The following ADAMTSL1 variants were observed in gnomAD, a reference collection of about 807,000 sequenced individuals.
The protein encoded by ADAMTSL1 is ADAMTS like 1.
In ADAMTSL1, 126 loss-of-function variants were observed where a neutral mutation model predicts 201.8. That is an observed-to-expected ratio of 0.62 (90% CI 0.54 to 0.72). The LOEUF (loss-of-function observed/expected upper bound fraction) is 0.72. ADAMTSL1 is among the 30% of genes least tolerant of loss of function. The pLI, the probability that ADAMTSL1 is intolerant of heterozygous loss-of-function variation, is 0.00. For synonymous variants in ADAMTSL1, 1,121 were observed against 903.4 expected (o/e 1.24, Z -4.32); for missense variants, 2,679 against 2,277.8 (o/e 1.18, Z -3.59).
intron 2 of ADAMTSL1, among the ~76,000 whole-genome samples, chr9:18,247,418 T>C (rs1831300395): frequency 6.6e-6 from 1 of 152,224 alleles, no homozygotes; most frequent in East Asian, 1.9e-4. Flanking sequence ...GTTTAACAAA[T>C]ACATATTCAG....
intron 26 of ADAMTSL1, among the ~76,000 whole-genome samples, chr9:18,893,680 A>T (rs1437761853): frequency 6.6e-6 from 1 of 152,198 alleles, no homozygotes; most frequent in African/African-American, 2.4e-5. Flanking sequence ...ACTTCATCTC[A>T]CAATCCTGTT....
chr9:18,509,504 A>C (rs1242240828), intron 2 of ADAMTSL1, among the ~76,000 whole-genome samples: 2 of 152,188 alleles, frequency 1.3e-5, no homozygotes, highest in African/African-American at 4.8e-5. Context: ...GCTCTGATGG[A>C]CTTTGATGGT....
At chr9:18,644,849 C>G (rs1240164675) in intron 7 of ADAMTSL1, among the ~76,000 whole-genome samples, 2 of 151,816 alleles carry the variant, frequency 1.3e-5, no homozygotes, top group Non-Finnish European at 2.9e-5. Flanking sequence ...AATAAACATA[C>G]GTGTGCATGT....
intron 2 of ADAMTSL1, among the ~76,000 whole-genome samples, chr9:18,254,034 TG>T (rs1264997814): frequency 6.6e-6 from 1 of 152,162 alleles, no homozygotes; most frequent in Non-Finnish European, 1.5e-5. Context: ...TCATCGTGTT[TG>T]GGAGGCAGCA....
chr9:18,127,443 A>T (rs1256676656), intron 1 of ADAMTSL1, among the ~76,000 whole-genome samples: 4 of 148,558 alleles, frequency 2.7e-5, no homozygotes, highest in African/African-American at 7.5e-5. Context: ...GAGTGTGTGG[A>T]TCTGTGTGTG....
chr9:18,369,275 G>T (rs551060702), intron 2 of ADAMTSL1, among the ~76,000 whole-genome samples: 1 of 152,080 alleles, frequency 6.6e-6, no homozygotes, highest in African/African-American at 2.4e-5. Flanking sequence ...AAATTAATTA[G>T]CCTTACTAAA....
At position 18,318,604 on chromosome 9, in the gene ADAMTSL1, A is replaced by G. The variant is rs968557105; in HGVS notation, c.207+154623A>G. Among the ~76,000 whole-genome samples, 3 of 152,292 alleles carry G rather than the reference A, an allele frequency of 2.0e-5. No individual in the cohort carries two copies. The East Asian group carries it at 5.8e-4, about 29-fold the overall frequency. On this transcript the variant is annotated intron_variant, in intron 2 of 29. Transcript: ENST00000680146. The stretch of plus-strand genomic sequence containing the variant: ...AACCACTGGTTCCTGACCAGAGGAG[A>G]GAAGGATGGCACCTCTTCCTTACAG...
chr9:18,109,756 G>C (rs1318674083), intron 1 of ADAMTSL1, among the ~76,000 whole-genome samples: 1 of 152,070 alleles, frequency 6.6e-6, no homozygotes, highest in Non-Finnish European at 1.5e-5. Flanking sequence ...TGAATTCTTA[G>C]CTGTCAGCAG....
chr9:17,994,345 G>A (rs1819287872), intron 1 of ADAMTSL1, among the ~76,000 whole-genome samples: 1 of 152,020 alleles, frequency 6.6e-6, no homozygotes, highest in Non-Finnish European at 1.5e-5. Context: ...TACTAACTGT[G>A]CAATCAGTGT....
intron 3 of ADAMTSL1, among the ~76,000 whole-genome samples, chr9:18,550,491 C>G (rs1052563364): frequency 6.6e-6 from 1 of 151,926 alleles, no homozygotes; most frequent in African/African-American, 2.4e-5. Flanking sequence ...TTTCTAGGAG[C>G]TAATGGTCAC....
At chr9:18,691,945 A>C (rs1831246442) in intron 13 of ADAMTSL1, among the ~76,000 whole-genome samples, 1 of 152,206 alleles carries the variant, frequency 6.6e-6, no homozygotes, top group African/African-American at 2.4e-5. Flanking sequence ...GGGAGTTAAG[A>C]TGTCTAATAA....
At chr9:18,555,580 A>G (rs1221249717) in intron 3 of ADAMTSL1, among the ~76,000 whole-genome samples, 1 of 151,912 alleles carries the variant, frequency 6.6e-6, no homozygotes, top group African/African-American at 2.4e-5. Flanking sequence ...GGACACAGAT[A>G]GAAAAAAACA....
chr9:18,175,434 C>G (rs139962213), intron 2 of ADAMTSL1, among the ~76,000 whole-genome samples: 144 of 152,282 alleles, frequency 9.5e-4, no homozygotes, highest in African/African-American at 3.3e-3. Flanking sequence ...ACAGTGGATA[C>G]TTGTATGTCA....
At chr9:18,067,420 G>A (rs191213166) in intron 1 of ADAMTSL1, among the ~76,000 whole-genome samples, 49 of 118,382 alleles carry the variant, frequency 4.1e-4, no homozygotes, top group Admixed American at 7.8e-4. Context: ...ATTCTAGAGG[G>A]CCTTTTGCCA....
At chr9:18,537,603 C>T (rs772569039) in intron 3 of ADAMTSL1, among the ~76,000 whole-genome samples, 1 of 152,148 alleles carries the variant, frequency 6.6e-6, no homozygotes, top group Non-Finnish European at 1.5e-5. Flanking sequence ...GGCACCATGG[C>T]TCACACCTGT....
intron 1 of ADAMTSL1, among the ~76,000 whole-genome samples, chr9:18,114,166 A>G (rs894035519): frequency 6.6e-6 from 1 of 152,134 alleles, no homozygotes; most frequent in Non-Finnish European, 1.5e-5. Flanking sequence ...GGCTGAAGAT[A>G]CTCATTGGAT....
chr9:18,848,832 G>A, intron 23 of ADAMTSL1, among the ~76,000 whole-genome samples: 1 of 152,252 alleles, frequency 6.6e-6, no homozygotes, highest in East Asian at 1.9e-4. Flanking sequence ...GAATGGGTAT[G>A]TCTGTGTTCC....
chr9:18,062,536 GT>G (rs1338470025), intron 1 of ADAMTSL1, among the ~76,000 whole-genome samples: 1 of 152,064 alleles, frequency 6.6e-6, no homozygotes, highest in African/African-American at 2.4e-5. Flanking sequence ...TACCTAATAT[GT>G]TTTGAGACAT....
chr9:18,578,292 C>A (rs1426196388), intron 4 of ADAMTSL1, among the ~76,000 whole-genome samples: 1 of 152,152 alleles, frequency 6.6e-6, no homozygotes, highest in Non-Finnish European at 1.5e-5. Context: ...CCTTTTCAAA[C>A]CACATTCTCC....
Sources: gnomAD v4.1 joint callset for allele counts (sites outside exome capture counted in the v4.1 genomes callset) on GRCh38, gnomAD v4.1.1 for gene constraint, MANE v1.5 for transcripts, NCBI Gene and HGNC (gene_info 2026-07-23, HGNC 2026-07-21) for gene names.